TIA1: variants seen among roughly 807,000 people sequenced by gnomAD.
TIA1 encodes cytotoxic granule associated RNA binding protein TIA1.
In TIA1, 23 loss-of-function variants were observed where a neutral mutation model predicts 65.9. That is an observed-to-expected ratio of 0.35 (90% CI 0.25 to 0.49). The LOEUF is 0.49. Ranked by LOEUF, TIA1 falls within the 20% of genes least tolerant of loss-of-function variation. The pLI is 0.98. For synonymous variants in TIA1, 147 were observed against 149.4 expected (o/e 0.98, Z 0.12); for missense variants, 371 against 477.9 (o/e 0.78, Z 2.09).
At chr2:70,224,746 C>T in intron 6 of TIA1, 117 bp from the exon 7 acceptor site, 3 of 1,452,480 alleles carry the variant, frequency 2.1e-6, no homozygotes, top group South Asian at 1.5e-5. Context: ...ACCTTTAATG[C>T]AAATTCACCT....
chr2:70,217,394 ACTT>A (rs552006911), intron 7 of TIA1, among the ~76,000 whole-genome samples: 71 of 134,926 alleles, frequency 5.3e-4, no homozygotes, highest in East Asian at 4.4e-3. Flanking sequence ...CTGGTCTCGA[ACTT>A]CTTCTTCTTT....
In TIA1 at chr2:70,211,631, T is replaced by TA. The variant is rs1676514383; in HGVS notation, c.*1087dup. On this transcript the variant is annotated 3_prime_UTR_variant, in exon 13 of 13. Transcript: ENST00000433529. Reference sequence around the variant, plus strand: ...CGGCAAATTAATATATTCCTTTACATACAACTTTGTGTCTCAAAATTCTTG... The same window carrying TA: ...CGGCAAATTAATATATTCCTTTACATAACAACTTTGTGTCTCAAAATTCTTG... The TA allele has an allele frequency of 6.6e-6, 1 of 152,616 alleles. No homozygotes were observed. Among genetic ancestry groups the TA allele is most frequent in the Non-Finnish European group, 1.5e-5 (1 of 68,038 alleles). The allele number at this position is 152,616 out of a possible 1,614,324, so 9.5% of individuals were successfully genotyped here. A position where few individuals can be genotyped will look rare whatever the true frequency, so the allele number is the denominator to read the frequency against.
At chr2:70,227,589 C>T (rs1684353481) in intron 6 of TIA1, 146 bp downstream of exon 6, 4 of 490,396 alleles carry the variant, frequency 8.2e-6, no homozygotes, top group Non-Finnish European at 1.1e-5. Flanking sequence ...TTGCTGTTAA[C>T]TTCTTGAATG....
chr2:70,221,964 G>C (rs1025779517), intron 7 of TIA1, among the ~76,000 whole-genome samples: 6 of 151,770 alleles, frequency 4.0e-5, no homozygotes, highest in Non-Finnish European at 8.8e-5. Flanking sequence ...ATTTTTTGTA[G>C]AGAAGGGGTT....
intron 1 of TIA1, among the ~76,000 whole-genome samples, chr2:70,242,834 T>C (rs1175381010): frequency 2.0e-5 from 3 of 151,946 alleles, no homozygotes; most frequent in Admixed American, 2.0e-4. Flanking sequence ...TGAGAATTTA[T>C]CTAATGCCTG....
intron 6 of TIA1, chr2:70,225,354 T>C (rs1488534075): frequency 4.6e-5 from 59 of 1,288,260 alleles, no homozygotes; most frequent in Non-Finnish European, 5.2e-5. Context: ...CCGTAGCTTG[T>C]AGTTAGCCAG....
intron 11 of TIA1, 135 bp downstream of exon 11, chr2:70,215,236 A>G: frequency 8.9e-7 from 1 of 1,117,740 alleles, no homozygotes. Context: ...TTCTGGAACT[A>G]TAATACATGT....
intron 7 of TIA1, among the ~76,000 whole-genome samples, chr2:70,223,610 T>C (rs953410722): frequency 6.6e-6 from 1 of 151,748 alleles, no homozygotes; most frequent in Non-Finnish European, 1.5e-5. Context: ...GATGGGGTTT[T>C]GCCATGTTGT....
chr2:70,213,342 T>A (rs908337407), intron 12 of TIA1, among the ~76,000 whole-genome samples: 16 of 151,376 alleles, frequency 1.1e-4, no homozygotes, highest in African/African-American at 3.4e-4. Context: ...TTTCTTTTCT[T>A]TTCTTTTTTT....
chr2:70,219,489 C>T (rs1441024822), intron 7 of TIA1, among the ~76,000 whole-genome samples: 1 of 151,980 alleles, frequency 6.6e-6, no homozygotes. Context: ...AAACGAAATG[C>T]TTTAAAAAAA....
chr2:70,233,298 A>C (rs1328921545), intron 2 of TIA1, among the ~76,000 whole-genome samples: 2 of 152,332 alleles, frequency 1.3e-5, no homozygotes, highest in East Asian at 1.9e-4. Context: ...AGTCACTGGC[A>C]ATGACTTGTA....
intron 1 of TIA1, among the ~76,000 whole-genome samples, chr2:70,242,357 C>G (rs542051485): frequency 1.3e-5 from 2 of 151,776 alleles, no homozygotes; most frequent in Non-Finnish European, 2.9e-5. Context: ...TATGTTGAAA[C>G]TTGCCTCTAC....
chr2:70,245,055 G>A (rs189389687), intron 1 of TIA1, among the ~76,000 whole-genome samples: 2 of 152,040 alleles, frequency 1.3e-5, no homozygotes, highest in Non-Finnish European at 2.9e-5. Flanking sequence ...GCGTGATCTC[G>A]GCTCACTGCA....
At chr2:70,222,034 T>C (rs532136387) in intron 7 of TIA1, among the ~76,000 whole-genome samples, 3 of 152,050 alleles carry the variant, frequency 2.0e-5, no homozygotes, top group African/African-American at 7.2e-5. Context: ...CCTGCCTTAG[T>C]CTCCCAAAGT....
Position 70,230,608 on chromosome 2 carries a change from T to C in TIA1, c.222+148A>G, listed in dbSNP as rs1823103. Reference sequence around the variant, plus strand: ...CAGAGGTTGCAGTGAGCCAAGACTGTGCCATTGCACTCCAGATTGGGCAAC... The same window carrying C: ...CAGAGGTTGCAGTGAGCCAAGACTGCGCCATTGCACTCCAGATTGGGCAAC... On this transcript the variant is annotated intron_variant, in intron 3 of 12. Transcript: ENST00000433529. The C allele has an allele frequency of 0.37, 201,578 of 539,418 alleles. 43,455 individuals carry two copies. The highest frequency in any genetic ancestry group is 0.77 in the African/African-American group (37,658 of 48,842). 33.4% of individuals were successfully genotyped at this position (539,418 alleles called of 1,614,324 possible).
intron 1 of TIA1, among the ~76,000 whole-genome samples, chr2:70,245,034 G>A (rs1265228607): frequency 6.6e-6 from 1 of 152,104 alleles, no homozygotes; most frequent in Non-Finnish European, 1.5e-5. Flanking sequence ...CATCCAGGCT[G>A]GAGTGCAGTG....
chr2:70,228,952 A>T, intron 5 of TIA1, 107 bp downstream of exon 5: 1 of 1,016,274 alleles, frequency 9.8e-7, no homozygotes, highest in South Asian at 3.1e-5. Flanking sequence ...AATAGAAATA[A>T]TATCTCCTCC....
intron 2 of TIA1, among the ~76,000 whole-genome samples, chr2:70,235,800 T>TA (rs1178822254): frequency 6.6e-6 from 1 of 152,176 alleles, no homozygotes; most frequent in African/African-American, 2.4e-5. Context: ...AGAGCCCATA[T>TA]ATATGTTCCC....
rs935094183 is a variant in TIA1 at position 70,224,400 on chromosome 2, G to A, written c.474+154C>T. The A allele has an allele frequency of 1.4e-5, 15 of 1,099,588 alleles. No homozygotes were observed. In the Admixed American group the frequency reaches 3.1e-4, roughly 22 times the overall value. The allele number at this position is 1,099,588 out of a possible 1,614,324, so 68.1% of individuals were successfully genotyped here. A position where few individuals can be genotyped will look rare whatever the true frequency, so the allele number is the denominator to read the frequency against. On this transcript the variant is annotated intron_variant, in intron 7 of 12. Transcript: ENST00000433529. ...CTGCATGCCTCAGGTGCCAATAAAT[G>A]TTAAACAGACAAAACAGAAGAAATC...
Sources: gnomAD v4.1 joint callset for allele counts (sites outside exome capture counted in the v4.1 genomes callset) on GRCh38, gnomAD v4.1.1 for gene constraint, MANE v1.5 for transcripts, NCBI Gene and HGNC (gene_info 2026-07-23, HGNC 2026-07-21) for gene names.